Variants in RBM8A observed in about 807,000 individuals in gnomAD.
RBM8A encodes the protein RNA binding motif protein 8A.
Under a neutral mutation model 25.1 loss-of-function variants are expected in RBM8A, and 8 were observed. The observed-to-expected ratio is 0.32, with a 90% CI of 0.19 to 0.58. The LOEUF (loss-of-function observed/expected upper bound fraction) is 0.58. Ranked by LOEUF, RBM8A falls within the 20% of genes least tolerant of loss-of-function variation. The probability of loss-of-function intolerance (pLI) is 0.88; values close to 1 mark genes in which losing one functional copy is unlikely to be tolerated. For missense variants in RBM8A, 114 were observed against 236.8 expected (o/e 0.48, Z 3.40); for synonymous variants, 66 against 80.0 (o/e 0.82, Z 0.94).
Position 145,926,893 on chromosome 1 carries a change from G to A in RBM8A, c.128-7C>T, listed in dbSNP as rs190827695. The A allele has an allele frequency of 8.1e-6, 13 of 1,613,920 alleles. No individual in the cohort carries two copies. The East Asian group carries it at 1.3e-4, about 17-fold the overall frequency. On this transcript the variant is annotated splice_region_variant and splice_polypyrimidine_tract_variant and intron_variant, in intron 2 of 5. Transcript: ENST00000583313. ...CGCGCTCGGGACCCCTCTTCTATAA[G>A]GGACATACACGAGATCACCGAAAAC...
Position 145,923,608 on chromosome 1 carries a change from A to T in RBM8A, c.*2274T>A, listed in dbSNP as rs1553755293. The T allele has an allele frequency of 3.4e-6, 1 of 295,168 alleles. No homozygotes were observed. Among genetic ancestry groups the T allele is most frequent in the Non-Finnish European group, 6.3e-6 (1 of 159,342 alleles). The allele number at this position is 295,168 out of a possible 1,614,324, so 18.3% of individuals were successfully genotyped here. A position where few individuals can be genotyped will look rare whatever the true frequency, so the allele number is the denominator to read the frequency against. ...AATAGTTTTTACTGATTCAGTTGGA[A>T]AACCCAGCAATTTAACAAAAAGGGG... On this transcript the variant is annotated 3_prime_UTR_variant, in exon 6 of 6. Coordinates refer to ENST00000583313, the MANE Select transcript of RBM8A (RefSeq NM_005105.5).
In RBM8A at chr1:145,923,974, A is replaced by G; in HGVS notation, c.*1908T>C. The G allele has an allele frequency of 1.6e-6, 1 of 614,700 alleles. No homozygotes were observed. The highest frequency in any genetic ancestry group is 3.0e-6 in the Non-Finnish European group (1 of 336,864). 38.1% of individuals were successfully genotyped at this position (614,700 alleles called of 1,614,324 possible). ...CAGCATCATATTCAAGCCTAAAAGG[A>G]AGATAGGATTTTCAAGATATATTTC... On this transcript the variant is annotated 3_prime_UTR_variant, in exon 6 of 6. Transcript: ENST00000583313.
chr1:145,926,797 A>G lies in RBM8A; in HGVS notation c.205+12T>C, dbSNP rs1208294816. 1.2e-6 allele frequency: 2 copies of G among 1,614,036 alleles called. No individual in the cohort carries two copies. The highest frequency in any genetic ancestry group is 1.3e-5 in the African/African-American group (1 of 74,916). On this transcript the variant is annotated intron_variant, in intron 3 of 5. Transcript: ENST00000583313. ...CAGACACGGATACCTCACAGGTTCC[A>G]TTATTACTCACAGCGTTGTGGTCCG... is the stretch of plus-strand genomic sequence containing the variant.
intron 4 of RBM8A, 135 bp from the exon 5 acceptor site, chr1:145,926,312 T>C: frequency 7.1e-7 from 1 of 1,416,074 alleles, no homozygotes; most frequent in Non-Finnish European, 9.7e-7. Context: ...ATCTCTACTG[T>C]ATATATACAT....
intron 2 of RBM8A, 47 bp from the exon 3 acceptor site, chr1:145,926,933 A>C: frequency 1.2e-6 from 2 of 1,613,496 alleles, no homozygotes; most frequent in Non-Finnish European, 1.7e-6. Context: ...CCTTTCTCCC[A>C]TTGTTCCTAT....
Position 145,926,234 on chromosome 1 carries a change from A to G in RBM8A, c.343-57T>C, listed in dbSNP as rs1400382274. ...CCTCCTATTTCCCCAAGTATCACTG[A>G]GTATCTTTTTCCTCAAATCTAAACT... On this transcript the variant is annotated intron_variant, in intron 4 of 5. Coordinates refer to ENST00000583313, the MANE Select transcript of RBM8A (RefSeq NM_005105.5). The G allele has an allele frequency of 1.9e-6, 3 of 1,597,820 alleles. No homozygotes were observed. In the African/African-American group the frequency reaches 4.0e-5, roughly 22 times the overall value.
Position 145,922,236 on chromosome 1 carries a change from G to T in RBM8A, c.*3646C>A, listed in dbSNP as rs1553755070. On this transcript the variant is annotated 3_prime_UTR_variant, in exon 6 of 6. Transcript: ENST00000583313. ...CAGACTCTGTTGGGGGTGGGGTGGG[G>T]GGGAAAGAGAAAAATAATACTTCTA... The T allele has an allele frequency of 6.6e-6, 1 of 151,932 alleles. No homozygotes were observed. Among genetic ancestry groups the T allele is most frequent in the African/African-American group, 2.4e-5 (1 of 41,370 alleles). The allele number at this position is 151,932 out of a possible 1,614,324, so 9.4% of individuals were successfully genotyped here.
Position 145,925,644 on chromosome 1 carries a change from A to G in RBM8A, c.*238T>C. 1.8e-6 allele frequency: 1 copy of G among 546,586 alleles called. No homozygotes were observed. The highest frequency in any genetic ancestry group is 3.2e-5 in the Admixed American group (1 of 31,566). 33.9% of individuals were successfully genotyped at this position (546,586 alleles called of 1,614,324 possible). On this transcript the variant is annotated 3_prime_UTR_variant, in exon 6 of 6. Transcript: ENST00000583313. The stretch of plus-strand genomic sequence containing the variant: ...GAAATACATAGAGTTCAGTCCCTAG[A>G]AGTATCTTCACAATGATCCATACAG...
Position 145,921,573 on chromosome 1 carries a change from CTTTA to C in RBM8A, c.*4305_*4308del, listed in dbSNP as rs1553754947. On this transcript the variant is annotated 3_prime_UTR_variant, in exon 6 of 6. Transcript: ENST00000583313. ...TAACCAAATTTGTGTTTTTTACTGACTTTATTGTCGAATGAGTGTTAAAATTGCA... is the reference window on the plus strand; with the variant it reads ...TAACCAAATTTGTGTTTTTTACTGACTTGTCGAATGAGTGTTAAAATTGCA... 3 of 152,246 alleles carry C rather than the reference CTTTA, an allele frequency of 2.0e-5. No homozygotes were observed. Among genetic ancestry groups the C allele is most frequent in the East Asian group, 3.8e-4 (2 of 5,234 alleles). 9.4% of individuals were successfully genotyped at this position (152,246 alleles called of 1,614,324 possible).
At position 145,924,413 on chromosome 1, in the gene RBM8A, C is replaced by T; in HGVS notation, c.*1469G>A. The T allele has an allele frequency of 4.3e-6, 2 of 463,496 alleles. No individual in the cohort carries two copies. The highest frequency in any genetic ancestry group is 9.0e-6 in the Non-Finnish European group (2 of 222,404). 28.7% of individuals were successfully genotyped at this position (463,496 alleles called of 1,614,324 possible). A position where few individuals can be genotyped will look rare whatever the true frequency, so the allele number is the denominator to read the frequency against. On this transcript the variant is annotated 3_prime_UTR_variant, in exon 6 of 6. Transcript: ENST00000583313. Reference sequence around the variant, plus strand: ...TTAATCCTTAACCCTAGACCTGTTGCCTCTAGCATCATTTATTTATCTACC... The same window carrying T: ...TTAATCCTTAACCCTAGACCTGTTGTCTCTAGCATCATTTATTTATCTACC...
At chr1:145,926,267 A>C in intron 4 of RBM8A, 90 bp from the exon 5 acceptor site, 1 of 1,544,660 alleles carries the variant, frequency 6.5e-7, no homozygotes, top group Non-Finnish European at 8.9e-7. Flanking sequence ...ACTCAGAAAA[A>C]TCTACACACT....
In RBM8A at chr1:145,925,180, G is replaced by A. The variant is rs1268150849; in HGVS notation, c.*702C>T. On this transcript the variant is annotated 3_prime_UTR_variant, in exon 6 of 6. Transcript: ENST00000583313. The stretch of plus-strand genomic sequence containing the variant: ...TAGACAGCTGGAAGTACAAAAAACT[G>A]TGACATCAAGAAGGGCAGGAGAAAC... The A allele has an allele frequency of 6.9e-6, 2 of 290,790 alleles. No homozygotes were observed. The highest frequency in any genetic ancestry group is 3.9e-5 in the African/African-American group (1 of 25,558). The allele number at this position is 290,790 out of a possible 1,614,324, so 18.0% of individuals were successfully genotyped here. A position where few individuals can be genotyped will look rare whatever the true frequency, so the allele number is the denominator to read the frequency against.
In RBM8A at chr1:145,927,468, A is replaced by G. The variant is rs1553756231; in HGVS notation, c.-42T>C. On this transcript the variant is annotated 5_prime_UTR_variant, in exon 1 of 6. Transcript: ENST00000583313. ...ATCTCGTCTGTGCCGCTCAGACACT[A>G]GGTACCTCGGGAAACTGTCGCAGAG... 6.3e-7 allele frequency: 1 copy of G among 1,591,326 alleles called. No homozygotes were observed. Among genetic ancestry groups the G allele is most frequent in the Non-Finnish European group, 8.6e-7 (1 of 1,167,404 alleles).
Position 145,926,877 on chromosome 1 carries a change from G to C in RBM8A, c.137C>G (p.Ser46Cys). The change falls in exon 3 of 6, where the codon TCC (serine) becomes TGC (cysteine). Residue 46 changes from serine (S) to cysteine (C), a missense_variant. Ser to Cys is a moderately radical substitution (Grantham distance 112, BLOSUM62 -1). Coordinates refer to ENST00000583313, the MANE Select transcript of RBM8A (RefSeq NM_005105.5). ...ATAATCCTCACGCATCCGCGCTCGG[G>C]ACCCCTCTTCTATAAGGGACATACA... ...KGRGFGSEEG[S>C]RARMREDYDS... 6.2e-7 allele frequency: 1 copy of C among 1,613,862 alleles called. No individual in the cohort carries two copies. Among genetic ancestry groups the C allele is most frequent in the African/African-American group, 1.3e-5 (1 of 74,908 alleles).
At chr1:145,926,294 C>T in intron 4 of RBM8A, 117 bp from the exon 5 acceptor site, 1 of 1,461,154 alleles carries the variant, frequency 6.8e-7, no homozygotes, top group South Asian at 1.3e-5. Context: ...AATGAATGTA[C>T]ATCATATATC....
intron 5 of RBM8A, 55 bp from the exon 6 acceptor site, chr1:145,925,982 C>T: frequency 6.2e-7 from 1 of 1,614,146 alleles, no homozygotes; most frequent in South Asian, 1.1e-5. Context: ...ATACTAAGTC[C>T]TCATTCTGTT....
At chr1:145,926,241 T>C (rs1648150618) in intron 4 of RBM8A, 64 bp from the exon 5 acceptor site, 1 of 1,594,044 alleles carries the variant, frequency 6.3e-7, no homozygotes, top group Admixed American at 1.7e-5. Flanking sequence ...CTGAGTATCT[T>C]TTTCCTCAAA....
Position 145,921,849 on chromosome 1 carries a change from A to G in RBM8A, c.*4033T>C, listed in dbSNP as rs1262033346. 1 of 152,536 alleles carries G rather than the reference A, an allele frequency of 6.6e-6. No homozygotes were observed. Among genetic ancestry groups the G allele is most frequent in the African/African-American group, 2.4e-5 (1 of 41,476 alleles). The allele number at this position is 152,536 out of a possible 1,614,324, so 9.4% of individuals were successfully genotyped here. A position where few individuals can be genotyped will look rare whatever the true frequency, so the allele number is the denominator to read the frequency against. ...GGATTTATCTCTGGAATGACAATGC[A>G]TTATACTGATTTAAGATTTGATCCT... On this transcript the variant is annotated 3_prime_UTR_variant, in exon 6 of 6. Transcript: ENST00000583313.
In RBM8A at chr1:145,926,545, G is replaced by A; in HGVS notation, c.279C>T (p.Phe93=). 6.2e-7 allele frequency: 1 copy of A among 1,614,066 alleles called. No homozygotes were observed. The highest frequency in any genetic ancestry group is 1.1e-5 in the South Asian group (1 of 91,082). Residue 93 remains phenylalanine (F), a synonymous_variant, in exon 4 of 6, where the codon TTC becomes TTT. Transcript: ENST00000583313. The part of the protein sequence containing the change: ...EATEEDIHDK[F]AEYGEIKNIH... ...TGTTTTTAATTTCCCCATATTCTGC[G>A]AATTTGTCGTGTATGTCTTCTTCGG...
Sources: gnomAD v4.1 joint callset for allele counts on GRCh38, gnomAD v4.1.1 for gene constraint, MANE v1.5 for transcripts, NCBI Gene and HGNC (gene_info 2026-07-23, HGNC 2026-07-21) for gene names.